TICRR: variants seen among roughly 807,000 people sequenced by gnomAD.
TICRR encodes TOPBP1 interacting checkpoint and replication regulator, also known as treslin.
In TICRR, 132 loss-of-function variants were observed where a neutral mutation model predicts 178.1. That is an observed-to-expected ratio of 0.74 (90% CI 0.64 to 0.86). The LOEUF (loss-of-function observed/expected upper bound fraction) is 0.86. TICRR is among the 40% of genes least tolerant of loss of function. TICRR has a pLI of 0.00. For synonymous variants in TICRR, 991 were observed against 900.7 expected, an observed-to-expected ratio of 1.10 and a Z score of -1.79; for missense variants, 2,587 against 2,334.3, an observed-to-expected ratio of 1.11 and a Z score of -2.23.
chr15:89,608,874 G>C lies in TICRR; in HGVS notation c.2794G>C (p.Gly932Arg), dbSNP rs778300410. 1 of 1,611,064 alleles carries C rather than the reference G, an allele frequency of 6.2e-7. No individual in the cohort carries two copies. The highest frequency in any genetic ancestry group is 2.2e-5 in the East Asian group (1 of 44,636). ...LSPSKRSLKR[G>R]LPRSHSVSAV... ...CCCTTCAAAGAGATCACTAAAGCGG[G>C]GGTTGCCTAGAAGCCATTCTGTGTC... The change falls in exon 15 of 22, where the codon GGG becomes CGG. Residue 932 changes from glycine (G) to arginine (R), a missense_variant. Physicochemically the swap from Gly to Arg is moderately radical, Grantham distance 125. Coordinates refer to ENST00000268138, the MANE Select transcript of TICRR (RefSeq NM_152259.4).
chr15:89,576,180 G>A lies in TICRR; in HGVS notation c.594G>A (p.Arg198=). 6.2e-7 allele frequency: 1 copy of A among 1,600,978 alleles called. No homozygotes were observed. Among genetic ancestry groups the A allele is most frequent in the East Asian group, 2.2e-5 (1 of 44,844 alleles). ...VMEKLLPKRV[R]EVMVARKITF... is the part of the protein sequence containing the mutation. ...AGAAGTTGTTGCCCAAGAGAGTCCG[G>A]GAAGTCATGGTCGCCCGAAAAATCA... The change falls in exon 1 of 22, where the codon CGG becomes CGA. Residue 198 remains arginine (R), a synonymous_variant. Transcript: ENST00000268138.
chr15:89,616,344 T>C (rs56036125), intron 15 of TICRR, 61 bp from the exon 16 acceptor site: 460,192 of 1,446,100 alleles, frequency 0.32, 75,870 homozygotes, highest in Middle Eastern at 0.38. Flanking sequence ...CCCTTGGCCT[T>C]ACTGCTGCTT....
intron 15 of TICRR, among the ~76,000 whole-genome samples, chr15:89,612,821 G>A (rs1963274813): frequency 6.6e-6 from 1 of 152,108 alleles, no homozygotes; most frequent in Admixed American, 6.5e-5. Flanking sequence ...ATTTAACTTT[G>A]ACAGTTTATA....
At chr15:89,585,973 C>A (rs1423586518) in intron 4 of TICRR, 31 bp downstream of exon 4, 2 of 1,583,068 alleles carry the variant, frequency 1.3e-6, no homozygotes, top group Non-Finnish European at 1.7e-6. Flanking sequence ...CTAACAGAGT[C>A]TAGGGTGGTT....
At position 89,575,752 on chromosome 15, in the gene TICRR, C is replaced by T. The variant is rs1470073661; in HGVS notation, c.166C>T (p.Arg56Trp). 1.9e-6 allele frequency: 3 copies of T among 1,609,280 alleles called. No homozygotes were observed. The highest frequency in any genetic ancestry group is 1.7e-5 in the Admixed American group (1 of 59,760). The change falls in exon 1 of 22, where the codon CGG becomes TGG. Residue 56 changes from arginine (R) to tryptophan (W), a missense_variant. By Grantham distance (101) the Arg-to-Trp change is moderately radical. Transcript: ENST00000268138. ...AFKFFDSQGARSRPSRVSDFR... is the reference protein window; with the variant it reads ...AFKFFDSQGAWSRPSRVSDFR... ...CAAGTTCTTTGACTCGCAGGGGGCG[C>T]GGAGCCGGCCGTCCCGCGTGTCTGA...
intron 4 of TICRR, among the ~76,000 whole-genome samples, chr15:89,590,432 CTATT>C (rs1238815622): frequency 9.9e-5 from 15 of 152,180 alleles, no homozygotes; most frequent in African/African-American, 2.7e-4. Context: ...TGTATCTTGA[CTATT>C]TATATAGTCT....
At chr15:89,581,365 C>T (rs1289692583) in intron 1 of TICRR, among the ~76,000 whole-genome samples, 2 of 152,082 alleles carry the variant, frequency 1.3e-5, no homozygotes, top group Non-Finnish European at 2.9e-5. Context: ...TTTATTCACA[C>T]CCCCCGCCCC....
intron 12 of TICRR, among the ~76,000 whole-genome samples, chr15:89,602,364 G>C (rs950404497): frequency 4.6e-5 from 7 of 152,038 alleles, no homozygotes; most frequent in Non-Finnish European, 1.0e-4. Context: ...TCCCCTACTT[G>C]ATCTGTAATG....
At position 89,601,219 on chromosome 15, in the gene TICRR, A is replaced by G. The variant is rs1963089328; in HGVS notation, c.2154-79A>G. On this transcript the variant is annotated intron_variant, in intron 9 of 21. Coordinates refer to ENST00000268138, the MANE Select transcript of TICRR (RefSeq NM_152259.4). ...TTTTTGGTTGTTGTGTCTTATATAA[A>G]TAGATCTATGCTTACGGAAGGAGCT... 4 of 1,264,392 alleles carry G rather than the reference A, an allele frequency of 3.2e-6. No homozygotes were observed. In the East Asian group the frequency reaches 7.1e-5, roughly 22 times the overall value. 78.3% of individuals were successfully genotyped at this position (1,264,392 alleles called of 1,614,324 possible). A position where few individuals can be genotyped will look rare whatever the true frequency, so the allele number is the denominator to read the frequency against.
At chr15:89,626,306 C>T (rs949525020) in intron 21 of TICRR, among the ~76,000 whole-genome samples, 11 of 152,196 alleles carry the variant, frequency 7.2e-5, no homozygotes, top group Admixed American at 3.3e-4. Flanking sequence ...TGTTGACAGT[C>T]GTGGGCTTGC....
At chr15:89,623,558 C>G in intron 19 of TICRR, 65 bp from the exon 20 acceptor site, 1 of 1,488,834 alleles carries the variant, frequency 6.7e-7, no homozygotes, top group Non-Finnish European at 9.0e-7. Flanking sequence ...TTAGAGATTA[C>G]TAAAACACTT....
In TICRR at chr15:89,608,936, C is replaced by T. The variant is rs1261685074; in HGVS notation, c.2856C>T (p.Phe952=). The change falls in exon 15 of 22, where the codon TTC becomes TTT. Residue 952 remains phenylalanine, a synonymous_variant. Coordinates refer to ENST00000268138, the MANE Select transcript of TICRR (RefSeq NM_152259.4). ...GTCTAGAGGATAAACTTGACAACTT[C>T]AAGAAGAACAAAGGTACCACATTTC... The part of the protein sequence containing the change: ...VDGLEDKLDN[F]KKNKGYHKLL... 5 of 1,595,368 alleles carry T rather than the reference C, an allele frequency of 3.1e-6. No homozygotes were observed. The highest frequency in any genetic ancestry group is 2.3e-5 in the South Asian group (2 of 86,570).
chr15:89,600,189 A>G (rs1182364349), intron 8 of TICRR, among the ~76,000 whole-genome samples: 2 of 152,226 alleles, frequency 1.3e-5, no homozygotes, highest in African/African-American at 4.8e-5. Flanking sequence ...AGCCCCCTGG[A>G]TAATCCTTTT....
At position 89,607,236 on chromosome 15, in the gene TICRR, A is replaced by G. The variant is rs1963188607; in HGVS notation, c.2722+411A>G. On this transcript the variant is annotated intron_variant, in intron 14 of 21. Transcript: ENST00000268138. Reference sequence around the variant, plus strand: ...CTAGAGAAATTTGAAGAAGCGGTGTATGCTAGATAATATTGTATCAATGCT... The same window carrying G: ...CTAGAGAAATTTGAAGAAGCGGTGTGTGCTAGATAATATTGTATCAATGCT... 5.9e-5 allele frequency among the ~76,000 whole-genome samples: 9 copies of G among 152,272 alleles called. No homozygotes were observed. The South Asian group carries it at 1.9e-3, about 32-fold the overall frequency.
At position 89,584,401 on chromosome 15, in the gene TICRR, T is replaced by G. The variant is rs781760640; in HGVS notation, c.1050T>G (p.Ser350=). Residue 350 remains serine, a synonymous_variant, in exon 3 of 22, where the codon TCT becomes TCG. Coordinates refer to ENST00000268138, the MANE Select transcript of TICRR (RefSeq NM_152259.4). The part of the protein sequence containing the change: ...IFLKGSVAQW[S]LPTSSTLGTD... The stretch of plus-strand genomic sequence containing the variant: ...TAAAAGGCTCAGTGGCCCAGTGGTC[T>G]CTCCCAACGAGCAGCACTTTGGGCA... 2 of 1,614,188 alleles carry G rather than the reference T, an allele frequency of 1.2e-6. No homozygotes were observed. Among genetic ancestry groups the G allele is most frequent in the East Asian group, 2.2e-5 (1 of 44,882 alleles).
rs1377307376 is a variant in TICRR, at chr15:89,576,206, C to T, written c.620C>T (p.Thr207Ile). The T allele has an allele frequency of 2.5e-6, 4 of 1,595,004 alleles. No homozygotes were observed. The highest frequency in any genetic ancestry group is 3.4e-5 in the Admixed American group (2 of 59,566). ...VREVMVARKI[T>I]FYWVDTTEWS... ...GAAGTCATGGTCGCCCGAAAAATCA[C>T]CTTCTACTGGGTGGATACCACCGAA... Residue 207 changes from threonine (T) to isoleucine (I), a missense_variant, in exon 1 of 22, where the codon ACC (threonine) becomes ATC (isoleucine). Physicochemically the swap from Thr to Ile is moderately conservative, Grantham distance 89 (BLOSUM62 -1). Transcript: ENST00000268138.
At position 89,626,023 on chromosome 15, in the gene TICRR, A is replaced by G. The variant is rs1408589996; in HGVS notation, c.5564A>G (p.Gln1855Arg). 1 of 1,613,670 alleles carries G rather than the reference A, an allele frequency of 6.2e-7. No homozygotes were observed. The highest frequency in any genetic ancestry group is 2.2e-5 in the East Asian group (1 of 44,876). Residue 1855 changes from glutamine to arginine, a missense_variant, in exon 21 of 22, where the codon CAG becomes CGG. By Grantham distance (43) the Gln-to-Arg change is conservative. Transcript: ENST00000268138. ...QALTQSPLLF[Q>R]GKTPSSQSKD... ...CTGACCCAGTCTCCGCTGCTGTTCCAGGGGAAAACACCTTCCTCTCAGAGC... is the reference window on the plus strand; with the variant it reads ...CTGACCCAGTCTCCGCTGCTGTTCCGGGGGAAAACACCTTCCTCTCAGAGC...
intron 5 of TICRR, among the ~76,000 whole-genome samples, chr15:89,593,351 C>T (rs1295840657): frequency 6.6e-6 from 1 of 152,084 alleles, no homozygotes; most frequent in Non-Finnish European, 1.5e-5. Flanking sequence ...TTAAAATTAT[C>T]TCTAAGTATT....
rs142448784 is a variant in TICRR, at chr15:89,625,785, C to T, written c.5475C>T (p.Ser1825=). The T allele has an allele frequency of 2.4e-5, 38 of 1,593,652 alleles. No individual in the cohort carries two copies. The highest frequency in any genetic ancestry group is 1.7e-4 in the Middle Eastern group (1 of 5,936). ...CGGGAGACGAAGAGGTGTTTGTTTC[C>T]GGTGAGTTCGTTTTTGAAACCCAGT... ...PSTGDEEVFV[S]GSTPPPSCAV... Residue 1825 remains serine, a splice_region_variant and synonymous_variant, in exon 20 of 22, where the codon TCC becomes TCT. Transcript: ENST00000268138.
Sources: allele counts gnomAD v4.1 joint callset (sites outside exome capture counted in the v4.1 genomes callset), GRCh38; gene constraint gnomAD v4.1.1; transcripts MANE v1.5; gene names NCBI Gene and HGNC (gene_info 2026-07-23, HGNC 2026-07-21).